The following ZNF600 variants were observed in gnomAD, a reference collection of about 807,000 sequenced individuals.
ZNF600 encodes zinc finger protein KR-ZNF1.
Under a neutral mutation model 7.3 loss-of-function variants are expected in ZNF600, and 4 were observed. That is an observed-to-expected ratio of 0.55 (90% CI 0.27 to 1.25). ZNF600 has a LOEUF of 1.25. Among genes scored for constraint, ZNF600 ranks in the 50% most tolerant of loss-of-function variants. ZNF600 has a pLI of 0.12. For missense variants in ZNF600, 911 were observed against 922.1 expected (o/e 0.99, Z 0.16); for synonymous variants, 290 against 308.9 (o/e 0.94, Z 0.64).
chr19:52,801,071 A>C, the ZNF600 span: 26 of 1,614,054 alleles, frequency 1.6e-5, no homozygotes, highest in Non-Finnish European at 2.2e-5. Context: ...GATGGCATGC[A>C]AGGTATCGCT....
chr19:52,788,890 A>G (rs2062784901), upstream of ZNF600, among the ~76,000 whole-genome samples: 1 of 152,240 alleles, frequency 6.6e-6, no homozygotes, highest in South Asian at 2.1e-4. Flanking sequence ...TATATTTGCA[A>G]AATGCCTGAA....
the ZNF600 span, chr19:52,810,040 A>G: frequency 6.8e-6 from 5 of 738,052 alleles, no homozygotes; most frequent in Admixed American, 2.0e-5. Context: ...GAGCCGCTCC[A>G]GCCCCGCGCC....
chr19:52,827,698 C>A, the ZNF600 span, among the ~76,000 whole-genome samples: 3 of 151,976 alleles, frequency 2.0e-5, no homozygotes, highest in Non-Finnish European at 4.4e-5. Flanking sequence ...GCACCCGCCA[C>A]CACGCCTGGC....
chr19:52,793,807 CACACACACACA>C, the ZNF600 span, among the ~76,000 whole-genome samples: 1 of 109,172 alleles, frequency 9.2e-6, no homozygotes, highest in Non-Finnish European at 1.9e-5. Context: ...CACACACACA[CACACACACACA>C]AAAGTGATGT....
the ZNF600 span, among the ~76,000 whole-genome samples, chr19:52,821,108 G>C: frequency 1.3e-5 from 2 of 152,092 alleles, no homozygotes; most frequent in African/African-American, 4.8e-5. Context: ...GGGAGCAGCA[G>C]GGCCCAGCAA....
the ZNF600 span, among the ~76,000 whole-genome samples, chr19:52,818,885 GAAAAAA>G: frequency 0.025 from 2,832 of 114,300 alleles, 344 homozygotes; most frequent in African/African-American, 0.089. Flanking sequence ...GTCTGTTTGG[GAAAAAA>G]AAAAAAAAAA....
chr19:52,801,408 G>A, the ZNF600 span: 41 of 1,614,062 alleles, frequency 2.5e-5, no homozygotes, highest in East Asian at 1.1e-4. Context: ...AGGCAGATGC[G>A]AATGAAAGCT....
chr19:52,766,178 G>T lies in ZNF600; in HGVS notation c.1785C>A (p.Tyr595Ter), dbSNP rs754866730. 3.7e-6 allele frequency: 6 copies of T among 1,613,998 alleles called. No individual in the cohort carries two copies. In the South Asian group the frequency reaches 6.6e-5, roughly 18 times the overall value. ...AGGTCTTGCTGCACTCATTACACTT[G>T]TAAGGTTTCTCACCACTATGAACTC... Residue 595 changes from tyrosine to a stop codon, truncating the protein, a stop_gained, in exon 4 of 4, where the codon TAC (tyrosine) becomes TAA (stop). Transcript: ENST00000648973. LOFTEE classifies it low-confidence loss of function (END_TRUNC).
exon 4 of ZNF600, chr19:52,766,598 G>A (rs1438873163): frequency 1.2e-6 from 2 of 1,614,104 alleles, no homozygotes; most frequent in Non-Finnish European, 1.7e-6. Flanking sequence ...CCTTACATTT[G>A]TAAGATTTCT....
chr19:52,811,790 C>T, the ZNF600 span, among the ~76,000 whole-genome samples: 5 of 148,782 alleles, frequency 3.4e-5, no homozygotes, highest in Non-Finnish European at 6.0e-5. Flanking sequence ...CCCGGCCAGC[C>T]GCCCCGTCCG....
At chr19:52,825,754 G>A in the ZNF600 span, among the ~76,000 whole-genome samples, 1 of 152,108 alleles carries the variant, frequency 6.6e-6, no homozygotes, top group African/African-American at 2.4e-5. Context: ...GGGAGGCTGA[G>A]GGGGATGGAT....
chr19:52,816,684 T>C, the ZNF600 span, among the ~76,000 whole-genome samples: 1 of 119,292 alleles, frequency 8.4e-6, no homozygotes, highest in African/African-American at 4.0e-5. Flanking sequence ...AAAAAAAAAT[T>C]AGTTGGGGAT....
the ZNF600 span, among the ~76,000 whole-genome samples, chr19:52,793,848 G>A: frequency 3.5e-3 from 521 of 150,956 alleles, 4 homozygotes; most frequent in African/African-American, 0.012. Context: ...GTCATTTCAT[G>A]TATACGTGTA....
At chr19:52,808,280 T>TA in the ZNF600 span, 1 of 1,462,298 alleles carries the variant, frequency 6.8e-7, no homozygotes, top group Non-Finnish European at 9.1e-7. Context: ...ATGATGTTTT[T>TA]ATTATACTTT....
At chr19:52,800,211 T>C in the ZNF600 span, 3 of 1,613,592 alleles carry the variant, frequency 1.9e-6, no homozygotes, top group African/African-American at 2.7e-5. Flanking sequence ...CTCTGCAGTA[T>C]GAAGTTTATG....
At chr19:52,816,870 T>TAAA in the ZNF600 span, among the ~76,000 whole-genome samples, 2 of 135,118 alleles carry the variant, frequency 1.5e-5, no homozygotes, top group African/African-American at 2.8e-5. Context: ...ATAATAATAA[T>TAAA]AAAACGTGGA....
upstream of ZNF600, among the ~76,000 whole-genome samples, chr19:52,787,177 G>C (rs755882885): frequency 1.2e-4 from 18 of 152,172 alleles, no homozygotes; most frequent in Non-Finnish European, 1.0e-4. Context: ...TAGGGCCTCC[G>C]CCTGGGATGC....
rs2062587195 is a variant in ZNF600 at position 52,766,980 on chromosome 19, G to C, written c.983C>G (p.Ser328Ter). 6.2e-7 allele frequency: 1 copy of C among 1,614,018 alleles called. No homozygotes were observed. Among genetic ancestry groups the C allele is most frequent in the South Asian group, 1.1e-5 (1 of 91,078 alleles). ...AATTGCCTTATGAATTACAAGGGCT[G>C]AATTTTGACCAAAGATCTTGCCACA... is the stretch of plus-strand genomic sequence containing the variant. The change falls in exon 4 of 4, where the codon TCA (serine) becomes TGA (stop). Residue 328 changes from serine to a stop codon, truncating the protein, a stop_gained. Transcript: ENST00000648973. LOFTEE classifies it low-confidence loss of function (END_TRUNC).
chr19:52,800,664 C>T, the ZNF600 span: 19 of 1,613,032 alleles, frequency 1.2e-5, no homozygotes, highest in South Asian at 5.5e-5. Flanking sequence ...ATGTGATTTG[C>T]GACTGAAAAC....
Sources: gnomAD v4.1 joint callset for allele counts (sites outside exome capture counted in the v4.1 genomes callset) on GRCh38, gnomAD v4.1.1 for gene constraint, MANE v1.5 for transcripts, NCBI Gene and HGNC (gene_info 2026-07-23, HGNC 2026-07-21) for gene names.